Variants in DOCK10 observed in about 807,000 individuals in gnomAD.
DOCK10 encodes dedicator of cytokinesis 10.
DOCK10 carries 145 observed loss-of-function variants against 280.1 expected under a neutral mutation model. That is an observed-to-expected ratio of 0.52 (90% CI 0.45 to 0.59). DOCK10 has a LOEUF of 0.59. Among genes scored for constraint, DOCK10 ranks in the 20% least tolerant of loss-of-function variants. The pLI is 0.00. For synonymous variants in DOCK10, 915 were observed against 942.2 expected, an observed-to-expected ratio of 0.97 and a Z score of 0.53; for missense variants, 2,368 against 2,651.7, an observed-to-expected ratio of 0.89 and a Z score of 2.35.
intron 1 of DOCK10, among the ~76,000 whole-genome samples, chr2:225,005,165 G>C (rs542264323): frequency 6.6e-6 from 1 of 152,172 alleles, no homozygotes; most frequent in African/African-American, 2.4e-5. Context: ...CATCAGAGTA[G>C]TACAGCTGCC....
chr2:224,922,395 C>G (rs1422754866), intron 2 of DOCK10, among the ~76,000 whole-genome samples: 1 of 152,072 alleles, frequency 6.6e-6, no homozygotes, highest in Non-Finnish European at 1.5e-5. Context: ...AAACTCTGGT[C>G]AACAATTAGT....
chr2:225,019,641 C>A (rs1298247862), intron 1 of DOCK10, among the ~76,000 whole-genome samples: 3 of 152,098 alleles, frequency 2.0e-5, no homozygotes, highest in African/African-American at 7.2e-5. Context: ...CTCCTCATTT[C>A]TCTGATGGCA....
At chr2:224,947,036 C>G in intron 1 of DOCK10, 2 of 1,427,390 alleles carry the variant, frequency 1.4e-6, no homozygotes, top group Non-Finnish European at 9.2e-7. Flanking sequence ...CCAGGCTGAA[C>G]AAATCTTTCT....
intron 1 of DOCK10, among the ~76,000 whole-genome samples, chr2:225,034,797 T>C (rs1018495491): frequency 2.0e-5 from 3 of 152,178 alleles, no homozygotes; most frequent in Admixed American, 2.0e-4. Context: ...GTAAGAGCTA[T>C]GAAGACAACT....
Position 224,852,407 on chromosome 2 carries a change from A to G in DOCK10, c.2112T>C (p.Asn704=). The part of the protein sequence containing the change: ...RNITVCIEFK[N]SDEESAKPLK... ...GGGGCTTGGCACTTTCTTCATCTGA[A>G]TTTTTGAATTCAATGCACACAGTTA... The change falls in exon 18 of 56, where the codon AAT becomes AAC. Residue 704 remains asparagine (N), a synonymous_variant. Transcript: ENST00000258390. The G allele has an allele frequency of 6.4e-7, 1 of 1,571,918 alleles. No homozygotes were observed. The highest frequency in any genetic ancestry group is 8.6e-7 in the Non-Finnish European group (1 of 1,157,422).
chr2:224,799,051 A>G (rs1000665426), intron 41 of DOCK10, among the ~76,000 whole-genome samples: 2 of 152,224 alleles, frequency 1.3e-5, no homozygotes, highest in African/African-American at 4.8e-5. Context: ...TGTGATATGT[A>G]TAATTTAATA....
intron 1 of DOCK10, among the ~76,000 whole-genome samples, chr2:225,029,237 T>C (rs1230361824): frequency 6.6e-6 from 1 of 152,252 alleles, no homozygotes; most frequent in African/African-American, 2.4e-5. Flanking sequence ...AGTGGCACAA[T>C]CTCGGCTCAC....
At chr2:224,955,356 C>T (rs1292112447) in intron 1 of DOCK10, among the ~76,000 whole-genome samples, 2 of 152,122 alleles carry the variant, frequency 1.3e-5, no homozygotes, top group Non-Finnish European at 2.9e-5. Context: ...AAGGATTTGT[C>T]TTTATAAATG....
At chr2:224,772,858 A>G (rs1172554675) in intron 53 of DOCK10, among the ~76,000 whole-genome samples, 1 of 152,194 alleles carries the variant, frequency 6.6e-6, no homozygotes, top group African/African-American at 2.4e-5. Context: ...TTTCTTCATT[A>G]GTTAATTCAT....
At chr2:224,920,935 A>G (rs2125972192) in intron 2 of DOCK10, among the ~76,000 whole-genome samples, 1 of 150,650 alleles carries the variant, frequency 6.6e-6, no homozygotes, top group South Asian at 2.1e-4. Flanking sequence ...TTACTGTCCC[A>G]CTACGATCAC....
At chr2:224,858,144 A>G (rs1697266048) in intron 14 of DOCK10, among the ~76,000 whole-genome samples, 1 of 152,234 alleles carries the variant, frequency 6.6e-6, no homozygotes, top group Non-Finnish European at 1.5e-5. Context: ...ACAATTCCCA[A>G]TATGAAAGGA....
At chr2:224,833,665 C>T (rs1224216855) in intron 26 of DOCK10, among the ~76,000 whole-genome samples, 2 of 151,872 alleles carry the variant, frequency 1.3e-5, no homozygotes, top group Admixed American at 6.6e-5. Flanking sequence ...ATCTCTCTCT[C>T]TCTCTCTCTC....
At chr2:224,941,646 C>G (rs1340421339) in intron 1 of DOCK10, among the ~76,000 whole-genome samples, 3 of 152,016 alleles carry the variant, frequency 2.0e-5, no homozygotes, top group Non-Finnish European at 4.4e-5. Flanking sequence ...GAGTGCGAGA[C>G]CAGCCTGGCC....
Position 224,970,145 on chromosome 2 carries a change from G to A in DOCK10, c.124-38477C>T, listed in dbSNP as rs186063831. ...GAAGGGTAGTCATGTGTGTCAAAACGTCTCCCCAGAATTAATCCAATCTAA... is the reference window on the plus strand; with the variant it reads ...GAAGGGTAGTCATGTGTGTCAAAACATCTCCCCAGAATTAATCCAATCTAA... On this transcript the variant is annotated intron_variant, in intron 1 of 55. Coordinates refer to ENST00000258390, the MANE Select transcript of DOCK10 (RefSeq NM_014689.3). The surrounding 1 kb of genome is among the most constrained non-coding windows in gnomAD (Gnocchi z 4.6). Among the ~76,000 whole-genome samples the A allele has an allele frequency of 3.3e-3, 505 of 152,260 alleles. 4 individuals carry two copies. Among genetic ancestry groups the A allele is most frequent in the Non-Finnish European group, 5.2e-3 (357 of 68,012 alleles).
intron 1 of DOCK10, among the ~76,000 whole-genome samples, chr2:225,023,091 A>C (rs1209770587): frequency 6.6e-6 from 1 of 151,922 alleles, no homozygotes; most frequent in Non-Finnish European, 1.5e-5. Context: ...GCTGGAGTGC[A>C]ATGGCACTAT....
intron 55 of DOCK10, chr2:224,769,044 C>A: frequency 2.5e-6 from 1 of 404,490 alleles, no homozygotes. Context: ...CCTTCCCGAA[C>A]TTTCAGATCC....
chr2:224,874,441 T>C, intron 9 of DOCK10, 92 bp from the exon 10 acceptor site: 1 of 1,047,732 alleles, frequency 9.5e-7, no homozygotes, highest in Non-Finnish European at 1.4e-6. Flanking sequence ...CCCTTAGTAT[T>C]ATCACCATTT....
intron 1 of DOCK10, among the ~76,000 whole-genome samples, chr2:224,965,217 T>C (rs1365909220): frequency 4.6e-5 from 7 of 152,218 alleles, no homozygotes; most frequent in African/African-American, 1.4e-4. Context: ...TGGGAAATGC[T>C]TTAACTTCAT....
chr2:225,025,865 T>C (rs548490716), intron 1 of DOCK10, among the ~76,000 whole-genome samples: 63 of 152,282 alleles, frequency 4.1e-4, no homozygotes, highest in Admixed American at 1.7e-3. Flanking sequence ...TATCCATCCA[T>C]CTAACCAAGA....
Sources: gnomAD v4.1 joint callset for allele counts (sites outside exome capture counted in the v4.1 genomes callset) on GRCh38, gnomAD v4.1.1 for gene constraint, Gnocchi (gnomAD v3.1) non-coding constraint, MANE v1.5 for transcripts, NCBI Gene and HGNC (gene_info 2026-07-23, HGNC 2026-07-21) for gene names.